The following LHFPL3 variants were observed in gnomAD, a reference collection of about 807,000 sequenced individuals.
LHFPL3 encodes LHFPL tetraspan subfamily member 3 protein.
LHFPL3 carries 5 observed loss-of-function variants against 19.3 expected under a neutral mutation model. That is an observed-to-expected ratio of 0.26 (90% CI 0.14 to 0.54). The LOEUF (loss-of-function observed/expected upper bound fraction) is 0.54. Ranked by LOEUF, LHFPL3 falls within the 20% of genes least tolerant of loss-of-function variation. LHFPL3 has a pLI of 0.94. For synonymous variants in LHFPL3, 133 were observed against 126.2 expected (o/e 1.05, Z -0.36); for missense variants, 249 against 307.4 (o/e 0.81, Z 1.42).
At chr7:104,822,486 T>A (rs914256042) in intron 2 of LHFPL3, among the ~76,000 whole-genome samples, 8 of 152,188 alleles carry the variant, frequency 5.3e-5, no homozygotes, top group Non-Finnish European at 7.4e-5. Context: ...AGATCTGTCC[T>A]GTGCATTGTA....
chr7:104,676,529 T>A (rs575582808), intron 1 of LHFPL3, among the ~76,000 whole-genome samples: 1 of 152,354 alleles, frequency 6.6e-6, no homozygotes, highest in South Asian at 2.1e-4. Flanking sequence ...GATGTGTTTA[T>A]GATGCATGTA....
At chr7:104,476,684 T>C (rs980668274) in intron 1 of LHFPL3, among the ~76,000 whole-genome samples, 2 of 152,166 alleles carry the variant, frequency 1.3e-5, no homozygotes, top group Non-Finnish European at 2.9e-5. Flanking sequence ...GGGCTTGAAC[T>C]CCCTTCCTCA....
At position 104,399,461 on chromosome 7, in the gene LHFPL3, T is replaced by C. The variant is rs1366434708; in HGVS notation, c.445+70237T>C. Among the ~76,000 whole-genome samples, 1 of 151,536 alleles carries C rather than the reference T, an allele frequency of 6.6e-6. No homozygotes were observed. The highest frequency in any genetic ancestry group is 1.5e-5 in the Non-Finnish European group (1 of 67,900). The stretch of plus-strand genomic sequence containing the variant: ...TTTTTTGTTTTTTAGGTTTTTTTTG[T>C]TTGTTTGTTTGAGATGGAGTCTTGC... On this transcript the variant is annotated intron_variant, in intron 1 of 2. Transcript: ENST00000424859. This position sits in a 1 kb window ranked among gnomAD's most constrained non-coding sequence, Gnocchi z 4.4.
At chr7:104,702,611 C>T (rs1430987222) in intron 1 of LHFPL3, among the ~76,000 whole-genome samples, 1 of 152,206 alleles carries the variant, frequency 6.6e-6, no homozygotes, top group Admixed American at 6.5e-5. Flanking sequence ...TAATTCTTCC[C>T]AAACAATTTG....
rs1003916868 is a variant in LHFPL3 at position 104,525,383 on chromosome 7, A to G, written c.445+196159A>G. Among the ~76,000 whole-genome samples the G allele has an allele frequency of 3.9e-5, 6 of 152,168 alleles. No homozygotes were observed. The South Asian group carries it at 1.2e-3, about 32-fold the overall frequency. ...GAGTTTATTATTTTCATGGGTACTG[A>G]TTTATTCTAGGATAATGCAGATACT... On this transcript the variant is annotated intron_variant, in intron 1 of 2. Coordinates refer to ENST00000424859, the MANE Select transcript of LHFPL3 (RefSeq NM_199000.3).
chr7:104,711,621 T>TA (rs991290066), intron 1 of LHFPL3, among the ~76,000 whole-genome samples: 3 of 151,738 alleles, frequency 2.0e-5, no homozygotes, highest in South Asian at 2.1e-4. Context: ...TTTAAGAATT[T>TA]AAAAAAAACA....
At chr7:104,613,497 C>A (rs1225949858) in intron 1 of LHFPL3, among the ~76,000 whole-genome samples, 1 of 152,192 alleles carries the variant, frequency 6.6e-6, no homozygotes, top group Non-Finnish European at 1.5e-5. Context: ...ATTACCTCCT[C>A]AGAGCCACTA....
chr7:104,697,053 G>A (rs1483227459), intron 1 of LHFPL3, among the ~76,000 whole-genome samples: 1 of 152,200 alleles, frequency 6.6e-6, no homozygotes, highest in Non-Finnish European at 1.5e-5. Context: ...TTACATGGTG[G>A]AAGGGGTGAG....
intron 1 of LHFPL3, among the ~76,000 whole-genome samples, chr7:104,457,966 G>T (rs6951773): frequency 0.42 from 56,788 of 136,748 alleles, 13,480 homozygotes; most frequent in East Asian, 0.58. Context: ...GGGGTTGTTT[G>T]TTTTTTTCTT....
intron 2 of LHFPL3, among the ~76,000 whole-genome samples, chr7:104,892,369 TA>T (rs60588085): frequency 6.6e-6 from 1 of 151,940 alleles, no homozygotes; most frequent in Admixed American, 6.6e-5. Flanking sequence ...ACTGTAAAAA[TA>T]AAAACAGAAA....
chr7:104,802,031 TA>T, intron 2 of LHFPL3, among the ~76,000 whole-genome samples: 1 of 152,160 alleles, frequency 6.6e-6, no homozygotes, highest in East Asian at 1.9e-4. Flanking sequence ...GCATCACTGT[TA>T]ACCTTTCTTC....
At chr7:104,511,647 C>A (rs1004215853) in intron 1 of LHFPL3, among the ~76,000 whole-genome samples, 1 of 152,054 alleles carries the variant, frequency 6.6e-6, no homozygotes, top group South Asian at 2.1e-4. Context: ...TTTGAAGGAG[C>A]AAATTGTTGA....
intron 1 of LHFPL3, among the ~76,000 whole-genome samples, chr7:104,567,697 G>T (rs1337863702): frequency 6.6e-6 from 1 of 152,144 alleles, no homozygotes; most frequent in Admixed American, 6.5e-5. Flanking sequence ...TTGAGGAAAG[G>T]GGACTTCTTT....
intron 1 of LHFPL3, among the ~76,000 whole-genome samples, chr7:104,430,434 A>ATACACGTATATATATATATATATACACG (rs1562895289): frequency 7.0e-5 from 1 of 14,356 alleles, no homozygotes; most frequent in African/African-American, 2.8e-4. Context: ...ATATATATAT[A>ATACACGTATATATATATATATATACACG]TATATATATA....
At chr7:104,329,991 G>A (rs1801539709) in intron 1 of LHFPL3, among the ~76,000 whole-genome samples, 1 of 152,146 alleles carries the variant, frequency 6.6e-6, no homozygotes. Context: ...AGTAGGCAGA[G>A]AGGAGAATGT....
At chr7:104,460,356 G>T (rs182644203) in intron 1 of LHFPL3, among the ~76,000 whole-genome samples, 63 of 152,210 alleles carry the variant, frequency 4.1e-4, no homozygotes, top group Non-Finnish European at 6.9e-4. Context: ...ATTCCTTTGG[G>T]TATATATTCA....
chr7:104,678,764 A>C (rs1400256500), intron 1 of LHFPL3, among the ~76,000 whole-genome samples: 1 of 152,220 alleles, frequency 6.6e-6, no homozygotes, highest in East Asian at 1.9e-4. Context: ...TTAAGCTTTC[A>C]TTACATTGCA....
intron 1 of LHFPL3, among the ~76,000 whole-genome samples, chr7:104,696,319 A>T (rs953536020): frequency 3.3e-5 from 5 of 152,194 alleles, no homozygotes; most frequent in Admixed American, 6.5e-5. Context: ...TGTTTTGAGG[A>T]TTAAATAAGA....
rs149112027 is a variant in LHFPL3 at position 104,597,882 on chromosome 7, G to A, written c.446-138793G>A. On this transcript the variant is annotated intron_variant, in intron 1 of 2. Transcript: ENST00000424859. Reference sequence around the variant, plus strand: ...AACTTGGATATAACATATCTAAACAGGATCTAGTTTGAGGCACTAAGATGG... The same window carrying A: ...AACTTGGATATAACATATCTAAACAAGATCTAGTTTGAGGCACTAAGATGG... Among the ~76,000 whole-genome samples the A allele has an allele frequency of 6.8e-3, 1,035 of 152,194 alleles. 5 individuals carry two copies. Among genetic ancestry groups the A allele is most frequent in the Middle Eastern group, 0.02 (6 of 294 alleles).
Sources: allele counts gnomAD v4.1 joint callset (sites outside exome capture counted in the v4.1 genomes callset), GRCh38; gene constraint gnomAD v4.1.1; non-coding constraint Gnocchi (gnomAD v3.1); transcripts MANE v1.5; gene names NCBI Gene and HGNC (gene_info 2026-07-23, HGNC 2026-07-21).